Variants in CHD2 observed in about 807,000 individuals in gnomAD.
CHD2 encodes the protein ATP-dependent chromatin remodeler CHD2.
Under a neutral mutation model 243.9 loss-of-function variants are expected in CHD2, and 28 were observed. The observed-to-expected ratio is 0.11, with a 90% confidence interval of 0.09 to 0.16. The LOEUF is 0.16. CHD2 is among the 10% of genes least tolerant of loss of function. The probability of loss-of-function intolerance (pLI) is 1.00; values close to 1 mark genes in which losing one functional copy is unlikely to be tolerated. For missense variants in CHD2, 1,386 were observed against 2,209.8 expected, an observed-to-expected ratio of 0.63 and a Z score of 7.47; for synonymous variants, 775 against 779.0, an observed-to-expected ratio of 0.99 and a Z score of 0.09.
chr15:93,004,513 C>T, intron 33 of CHD2, 104 bp from the exon 34 acceptor site: 1 of 1,063,760 alleles, frequency 9.4e-7, no homozygotes, highest in Non-Finnish European at 1.3e-6. Flanking sequence ...TAAACTGAGA[C>T]CATCATATTT....
chr15:92,999,947 A>C (rs1447560025), intron 31 of CHD2, among the ~76,000 whole-genome samples: 2 of 152,120 alleles, frequency 1.3e-5, no homozygotes, highest in East Asian at 1.9e-4. Context: ...AAAGATGTGG[A>C]ATCAGTAGGT....
intron 16 of CHD2, among the ~76,000 whole-genome samples, chr15:92,962,677 T>TC (rs143736965): frequency 0.09 from 13,736 of 152,258 alleles, 688 homozygotes; most frequent in Middle Eastern, 0.19. Flanking sequence ...ATGGTGTTGT[T>TC]CAAGACTTTT....
intron 26 of CHD2, among the ~76,000 whole-genome samples, chr15:92,987,855 C>A (rs1416226019): frequency 6.7e-6 from 1 of 150,006 alleles, no homozygotes; most frequent in Non-Finnish European, 1.5e-5. Flanking sequence ...AAAAAAAAAA[C>A]TTTTTTTTTC....
intron 3 of CHD2, among the ~76,000 whole-genome samples, chr15:92,927,028 A>G (rs756261629): frequency 5.3e-5 from 8 of 152,216 alleles, no homozygotes; most frequent in Non-Finnish European, 1.0e-4. Flanking sequence ...ATATAGATTT[A>G]TAGCTGTTAA....
intron 24 of CHD2, among the ~76,000 whole-genome samples, chr15:92,983,602 T>G (rs1032885286): frequency 6.6e-6 from 1 of 152,046 alleles, no homozygotes; most frequent in Admixed American, 6.6e-5. Flanking sequence ...TGTCCAGAGG[T>G]GGTAGATGTT....
intron 34 of CHD2, 118 bp from the exon 35 acceptor site, chr15:93,009,027 C>T: frequency 8.6e-7 from 1 of 1,157,218 alleles, no homozygotes; most frequent in Non-Finnish European, 1.2e-6. Context: ...ACCCACTCTT[C>T]CTCTAGCAAT....
At chr15:92,989,311 C>A (rs1226836346) in intron 26 of CHD2, among the ~76,000 whole-genome samples, 1 of 152,150 alleles carries the variant, frequency 6.6e-6, no homozygotes, top group African/African-American at 2.4e-5. Context: ...GGATTACAGG[C>A]GTGAGCCACC....
At chr15:92,921,133 G>A (rs907099168) in intron 2 of CHD2, among the ~76,000 whole-genome samples, 4 of 152,124 alleles carry the variant, frequency 2.6e-5, no homozygotes, top group South Asian at 2.1e-4. Flanking sequence ...TATTGTGGAA[G>A]TATCTGATAG....
At chr15:92,993,958 C>T (rs898922523) in intron 28 of CHD2, among the ~76,000 whole-genome samples, 9 of 151,856 alleles carry the variant, frequency 5.9e-5, no homozygotes, top group East Asian at 1.9e-4. Flanking sequence ...GGTGACAGAG[C>T]GAAACCCTGT....
In CHD2 at chr15:93,014,693, T is replaced by A; in HGVS notation, c.4693-3T>A. The A allele has an allele frequency of 6.2e-7, 1 of 1,613,398 alleles. No individual in the cohort carries two copies. The highest frequency in any genetic ancestry group is 8.5e-7 in the Non-Finnish European group (1 of 1,179,686). ...GCTTCTTTGGTTTCCTTTTACTCTTTAGGAGCAAAAGAAGAAAGACGACGT... is the reference window on the plus strand; with the variant it reads ...GCTTCTTTGGTTTCCTTTTACTCTTAAGGAGCAAAAGAAGAAAGACGACGT... On this transcript the variant is annotated splice_polypyrimidine_tract_variant and splice_region_variant and intron_variant, in intron 36 of 38. Coordinates refer to ENST00000394196, the MANE Select transcript of CHD2 (RefSeq NM_001271.4).
At chr15:92,999,071 G>A (rs1386834786) in intron 31 of CHD2, among the ~76,000 whole-genome samples, 6 of 100,654 alleles carry the variant, frequency 6.0e-5, no homozygotes, top group Non-Finnish European at 1.8e-5. Context: ...GCAACAGAGC[G>A]AGACTCCGTC....
At chr15:93,015,107 C>G (rs933474789) in intron 37 of CHD2, among the ~76,000 whole-genome samples, 198 bp downstream of exon 37, 71 of 151,952 alleles carry the variant, frequency 4.7e-4, no homozygotes, top group African/African-American at 1.6e-3. Context: ...GAGACTGAGT[C>G]TTGCTCTGTC....
chr15:93,018,104 G>A (rs2054486082), intron 37 of CHD2, among the ~76,000 whole-genome samples: 1 of 152,192 alleles, frequency 6.6e-6, no homozygotes, highest in Admixed American at 6.5e-5. Flanking sequence ...ACTAGCTTGA[G>A]TTTTAAGCAC....
chr15:92,905,367 G>C (rs1242547586), intron 2 of CHD2, among the ~76,000 whole-genome samples: 1 of 152,148 alleles, frequency 6.6e-6, no homozygotes, highest in Non-Finnish European at 1.5e-5. Flanking sequence ...GTTCAGCAAC[G>C]ATGTCTTAAT....
At chr15:92,941,187 G>A (rs1055177613) in intron 7 of CHD2, among the ~76,000 whole-genome samples, 3 of 150,960 alleles carry the variant, frequency 2.0e-5, no homozygotes, top group Admixed American at 6.6e-5. Context: ...TAATCGATAC[G>A]GTCACCATGT....
chr15:93,009,176 C>T lies in CHD2; in HGVS notation c.4445C>T (p.Ala1482Val), dbSNP rs2054359658. The T allele has an allele frequency of 6.2e-7, 1 of 1,614,144 alleles. No individual in the cohort carries two copies. The highest frequency in any genetic ancestry group is 8.5e-7 in the Non-Finnish European group (1 of 1,180,004). Residue 1482 changes from alanine (A) to valine (V), a missense_variant, in exon 35 of 39, where the codon GCA (alanine) becomes GTA (valine). Coordinates refer to ENST00000394196, the MANE Select transcript of CHD2 (RefSeq NM_001271.4). ...GAGAGGATGAGGCCCGTGAAAAAGGCACTGAAACAGCTCGACAAACCTGAC... is the reference window on the plus strand; with the variant it reads ...GAGAGGATGAGGCCCGTGAAAAAGGTACTGAAACAGCTCGACAAACCTGAC... The part of the protein sequence containing the change: ...CKERMRPVKK[A>V]LKQLDKPDKG...
chr15:92,958,382 C>T (rs2053643154), intron 16 of CHD2, among the ~76,000 whole-genome samples: 1 of 152,140 alleles, frequency 6.6e-6, no homozygotes, highest in Non-Finnish European at 1.5e-5. Flanking sequence ...TGTTCATTAG[C>T]CATTTGTATG....
At position 93,012,384 on chromosome 15, in the gene CHD2, T is replaced by C; in HGVS notation, c.4632T>C (p.Asp1544=). The part of the protein sequence containing the change: ...WIFVSKFTEF[D]ARKLHKLYKM... Reference sequence around the variant, plus strand: ...TTGTTTCCAAGTTTACAGAATTTGATGCTCGAAAACTGCATAAGTTATACA... The same window carrying C: ...TTGTTTCCAAGTTTACAGAATTTGACGCTCGAAAACTGCATAAGTTATACA... The change falls in exon 36 of 39, where the codon GAT becomes GAC. Residue 1544 remains aspartate (D), a synonymous_variant. Transcript: ENST00000394196. 6.2e-7 allele frequency: 1 copy of C among 1,608,616 alleles called. No individual in the cohort carries two copies. The highest frequency in any genetic ancestry group is 8.5e-7 in the Non-Finnish European group (1 of 1,178,568).
intron 2 of CHD2, chr15:92,904,466 C>T (rs762121789): frequency 2.1e-5 from 21 of 989,376 alleles, no homozygotes; most frequent in Non-Finnish European, 2.5e-5. Flanking sequence ...TTCTCCTCCC[C>T]CTACCCAGGG....
Sources: allele counts gnomAD v4.1 joint callset (sites outside exome capture counted in the v4.1 genomes callset), GRCh38; gene constraint gnomAD v4.1.1; transcripts MANE v1.5; gene names NCBI Gene and HGNC (gene_info 2026-07-23, HGNC 2026-07-21).